Variants in MYH11 observed in about 807,000 individuals in gnomAD.
MYH11 encodes myosin-11.
A neutral mutation model predicts 246.6 loss-of-function variants in MYH11; 80 were observed. The ratio of observed to expected loss-of-function variants is 0.32; its 90% CI spans 0.27 to 0.39. The LOEUF is 0.39. Ranked by LOEUF, MYH11 falls within the 10% of genes least tolerant of loss-of-function variation. The probability of loss-of-function intolerance (pLI) is 1.00; values close to 1 mark genes in which losing one functional copy is unlikely to be tolerated. For missense variants in MYH11, 2,158 were observed against 2,546.8 expected (o/e 0.85, Z 3.29); for synonymous variants, 1,071 against 1,015.5 (o/e 1.05, Z -1.04).
rs76890940 is a variant in MYH11 at position 15,721,494 on chromosome 16, G to A, written c.4506C>T (p.Leu1502=). ...LEEALEAKEE[L]ERTNKMLKAE... is the part of the protein sequence containing the mutation. ...CTTTGAGCATTTTGTTGGTCCGCTC[G>A]AGTTCCTCTTTGGCTTCCAAGGCCT... Residue 1502 remains leucine (L), a synonymous_variant, in exon 32 of 41, where the codon CTC becomes CTT. Transcript: ENST00000300036. 1.2e-3 allele frequency: 1,977 copies of A among 1,614,198 alleles called. 25 individuals are homozygous for A. In the East Asian group the frequency reaches 0.03, roughly 24 times the overall value.
intron 6 of MYH11, among the ~76,000 whole-genome samples, chr16:15,782,182 A>G (rs1442332407): frequency 6.6e-6 from 1 of 152,096 alleles, no homozygotes; most frequent in Non-Finnish European, 1.5e-5. Context: ...CACCAGGCCA[A>G]TCAATATTTG....
chr16:15,807,480 AGGT>A (rs2043040391), intron 3 of MYH11, among the ~76,000 whole-genome samples: 1 of 152,126 alleles, frequency 6.6e-6, no homozygotes, highest in Non-Finnish European at 1.5e-5. Flanking sequence ...TTCACGGCAG[AGGT>A]GACCACTGAA....
chr16:15,708,690 A>G lies in MYH11; in HGVS notation c.5787-4567T>C, dbSNP rs1596674599. ...ATCCAAGCCTCCAGATTTTGCAAGAATCTCGTGGAAATGTGCAAGGGTTTA... is the reference window on the plus strand; with the variant it reads ...ATCCAAGCCTCCAGATTTTGCAAGAGTCTCGTGGAAATGTGCAAGGGTTTA... On this transcript the variant is annotated intron_variant, in intron 40 of 40. Coordinates refer to ENST00000300036, the MANE Select transcript of MYH11 (RefSeq NM_002474.3). 3 of 1,170,168 alleles carry G rather than the reference A, an allele frequency of 2.6e-6. No homozygotes were observed. In the South Asian group the frequency reaches 3.9e-5, roughly 15 times the overall value. The allele number at this position is 1,170,168 out of a possible 1,614,324, so 72.5% of individuals were successfully genotyped here. A position where few individuals can be genotyped will look rare whatever the true frequency, so the allele number is the denominator to read the frequency against.
chr16:15,761,172 G>A (rs988504531), intron 10 of MYH11, among the ~76,000 whole-genome samples: 8 of 151,882 alleles, frequency 5.3e-5, no homozygotes, highest in Non-Finnish European at 7.4e-5. Context: ...GTGCAGTGGC[G>A]CGATCTCAGC....
intron 3 of MYH11, among the ~76,000 whole-genome samples, chr16:15,801,652 C>A (rs2042888824): frequency 6.6e-6 from 1 of 151,544 alleles, no homozygotes; most frequent in Non-Finnish European, 1.5e-5. Flanking sequence ...TGGAGTGAGA[C>A]CCTATCTCTA....
chr16:15,722,520 G>T (rs75885182), intron 31 of MYH11, among the ~76,000 whole-genome samples: 2 of 152,144 alleles, frequency 1.3e-5, no homozygotes, highest in Non-Finnish European at 2.9e-5. Context: ...CCCACACTAT[G>T]TGTGCCACTG....
chr16:15,789,175 A>G (rs759278183), intron 4 of MYH11, among the ~76,000 whole-genome samples: 15 of 152,158 alleles, frequency 9.9e-5, no homozygotes, highest in Non-Finnish European at 1.6e-4. Flanking sequence ...CAGAATGGAA[A>G]GTCAGGTCTC....
chr16:15,853,519 T>A (rs754618068), intron 1 of MYH11, among the ~76,000 whole-genome samples: 1 of 152,136 alleles, frequency 6.6e-6, no homozygotes, highest in Non-Finnish European at 1.5e-5. Flanking sequence ...CTGATACAAG[T>A]CACAGATGTC....
intron 2 of MYH11, among the ~76,000 whole-genome samples, chr16:15,836,715 GTTTCTTTTTTTTTT>G (rs1204782178): frequency 1.9e-5 from 2 of 107,728 alleles, no homozygotes; most frequent in Non-Finnish European, 3.9e-5. Context: ...ATTTTTTAAT[GTTTCTTTTTTTTTT>G]TTTTTTTTTT....
chr16:15,706,970 A>AAATC (rs1567672194), intron 40 of MYH11, among the ~76,000 whole-genome samples: 7 of 152,272 alleles, frequency 4.6e-5, no homozygotes, highest in Middle Eastern at 3.4e-3. Flanking sequence ...CAAGGTTGAC[A>AAATC]CCAACTATAC....
chr16:15,807,792 G>A (rs1229346758), intron 3 of MYH11, among the ~76,000 whole-genome samples: 2 of 152,156 alleles, frequency 1.3e-5, no homozygotes, highest in South Asian at 2.1e-4. Flanking sequence ...CCCCAGGCAC[G>A]TTTCCTGAGA....
In MYH11 at chr16:15,823,410, G is replaced by A. The variant is rs1220795088; in HGVS notation, c.347C>T (p.Thr116Met). ...RERYFSGLIYTYSGLFCVVVN... is the reference protein window; with the variant it reads ...RERYFSGLIYMYSGLFCVVVN... ...CACCACGCAGAAGAGGCCAGAGTAC[G>A]TCTGCAGACAGAGAACCCAGCTTAC... The change falls in exon 3 of 41, where the codon ACG becomes ATG. Residue 116 changes from threonine to methionine, a missense_variant and splice_region_variant. Thr to Met is a moderately conservative substitution (Grantham distance 81, BLOSUM62 -1). Coordinates refer to ENST00000300036, the MANE Select transcript of MYH11 (RefSeq NM_002474.3). 8 of 1,614,034 alleles carry A rather than the reference G, an allele frequency of 5.0e-6. No individual in the cohort carries two copies. The highest frequency in any genetic ancestry group is 2.2e-5 in the East Asian group (1 of 44,886).
At chr16:15,769,424 TG>T (rs1258880057) in intron 9 of MYH11, among the ~76,000 whole-genome samples, 1 of 152,222 alleles carries the variant, frequency 6.6e-6, no homozygotes, top group African/African-American at 2.4e-5. Flanking sequence ...TGCTTGAGCC[TG>T]CAAGGCAGAG....
chr16:15,783,632 C>T (rs1412047889), intron 5 of MYH11: 1 of 152,178 alleles, frequency 6.6e-6, no homozygotes, highest in African/African-American at 2.4e-5. Context: ...ACGGGCATTT[C>T]TTTGTTGGTG....
At chr16:15,848,759 A>C (rs992486694) in intron 1 of MYH11, among the ~76,000 whole-genome samples, 1 of 152,170 alleles carries the variant, frequency 6.6e-6, no homozygotes, top group Non-Finnish European at 1.5e-5. Flanking sequence ...GAATAAAAAC[A>C]AGGGCTGTCT....
intron 4 of MYH11, among the ~76,000 whole-genome samples, chr16:15,793,424 C>T (rs115627163): frequency 2.6e-3 from 401 of 152,056 alleles, no homozygotes; most frequent in African/African-American, 7.5e-3. Flanking sequence ...TCCTGAGTAG[C>T]TGGGACTACA....
chr16:15,795,186 G>T (rs999984625), intron 4 of MYH11, among the ~76,000 whole-genome samples: 1 of 151,336 alleles, frequency 6.6e-6, no homozygotes, highest in Non-Finnish European at 1.5e-5. Context: ...CATAATACTC[G>T]GGAAGCTGAG....
At chr16:15,728,507 G>A (rs908357357) in intron 27 of MYH11, among the ~76,000 whole-genome samples, 26 of 152,102 alleles carry the variant, frequency 1.7e-4, no homozygotes, top group Non-Finnish European at 1.2e-4. Flanking sequence ...TCCTTCACAG[G>A]TGTCGTGTGA....
At chr16:15,723,449 C>A (rs1266067223) in intron 31 of MYH11, among the ~76,000 whole-genome samples, 1 of 152,234 alleles carries the variant, frequency 6.6e-6, no homozygotes, top group Admixed American at 6.5e-5. Flanking sequence ...GAGTTGGAGA[C>A]CAGCCTGGAC....
Sources: allele counts gnomAD v4.1 joint callset (sites outside exome capture counted in the v4.1 genomes callset), GRCh38; gene constraint gnomAD v4.1.1; transcripts MANE v1.5; gene names NCBI Gene and HGNC (gene_info 2026-07-23, HGNC 2026-07-21).